The following GHRH variants were observed in gnomAD, a reference collection of about 807,000 sequenced individuals.
The protein encoded by GHRH is somatoliberin.
GHRH carries 7 observed loss-of-function variants against 15.6 expected under a neutral mutation model. The observed-to-expected ratio is 0.45, with a 90% CI of 0.26 to 0.84. The LOEUF is 0.84. Among genes scored for constraint, GHRH ranks in the 40% least tolerant of loss-of-function variants. GHRH has a pLI of 0.18. For synonymous variants in GHRH, 54 were observed against 50.4 expected (o/e 1.07, Z -0.30); for missense variants, 117 against 138.0 (o/e 0.85, Z 0.76).
At chr20:37,252,814 G>A (rs1395836656) in intron 4 of GHRH, among the ~76,000 whole-genome samples, 1 of 152,168 alleles carries the variant, frequency 6.6e-6, no homozygotes, top group Non-Finnish European at 1.5e-5. Context: ...CAAGGAGGGT[G>A]GATCACCTGA....
Position 37,257,005 on chromosome 20 carries a change from G to A in GHRH, c.-19-97C>T, listed in dbSNP as rs561974797. On this transcript the variant is annotated intron_variant, in intron 1 of 4. Transcript: ENST00000373614. Reference sequence around the variant, plus strand: ...GGGCTTGGCTCCATGGCAAGCCTTGGTCCTTGGTTTTTGGAAGCTGTGGGA... The same window carrying A: ...GGGCTTGGCTCCATGGCAAGCCTTGATCCTTGGTTTTTGGAAGCTGTGGGA... The A allele has an allele frequency of 2.2e-4, 162 of 750,130 alleles. 1 individual carries two copies. Among genetic ancestry groups the A allele is most frequent in the Middle Eastern group, 1.2e-3 (4 of 3,230 alleles). The allele number at this position is 750,130 out of a possible 1,614,324, so 46.5% of individuals were successfully genotyped here.
At chr20:37,257,739 C>T (rs948269572) in intron 1 of GHRH, among the ~76,000 whole-genome samples, 3 of 152,156 alleles carry the variant, frequency 2.0e-5, no homozygotes, top group African/African-American at 7.2e-5. Flanking sequence ...GTGGCTTCAC[C>T]TCTCTGAGCC....
At chr20:37,254,105 G>A in intron 4 of GHRH, 105 bp downstream of exon 4, 1 of 1,198,858 alleles carries the variant, frequency 8.3e-7, no homozygotes, top group South Asian at 1.3e-5. Context: ...TTGTTTGGCA[G>A]AGCCCCATAC....
Position 37,258,500 on chromosome 20 carries a change from T to A in GHRH, c.-19-1592A>T, listed in dbSNP as rs1222618124. Among the ~76,000 whole-genome samples the A allele has an allele frequency of 2.0e-5, 3 of 152,168 alleles. No individual in the cohort carries two copies. The highest frequency in any genetic ancestry group is 1.3e-4 in the Admixed American group (2 of 15,266). On this transcript the variant is annotated intron_variant, in intron 1 of 4. Transcript: ENST00000373614. The surrounding 1 kb of genome is among the most constrained non-coding windows in gnomAD (Gnocchi z 4.1). ...ACTGAAGTCTCCTCTAACCCAGGGATGCCTTGGGCCCCCAGGCAGCACTCA... is the reference window on the plus strand; with the variant it reads ...ACTGAAGTCTCCTCTAACCCAGGGAAGCCTTGGGCCCCCAGGCAGCACTCA...
chr20:37,255,183 T>C (rs2068648082), intron 3 of GHRH, among the ~76,000 whole-genome samples: 1 of 152,314 alleles, frequency 6.6e-6, no homozygotes, highest in South Asian at 2.1e-4. Flanking sequence ...GCTATAGATA[T>C]AGAGTAAGCA....
chr20:37,261,517 G>A (rs1012791448), intron 1 of GHRH, among the ~76,000 whole-genome samples: 11 of 152,132 alleles, frequency 7.2e-5, no homozygotes, highest in African/African-American at 2.2e-4. Flanking sequence ...GAGCCAGTCC[G>A]CCACGCGCCC....
At chr20:37,254,466 G>A in intron 3 of GHRH, 137 bp from the exon 4 acceptor site, 1 of 853,454 alleles carries the variant, frequency 1.2e-6, no homozygotes, top group Admixed American at 1.9e-5. Context: ...ACTTAGGGAG[G>A]CAGTATATAT....
rs1314418228 is a variant in GHRH, at chr20:37,258,368, T to C, written c.-19-1460A>G. ...AATCTCCTCACATGGCTTCCTTCTC[T>C]CCCACTCCTGGGTCCTGCTGAGGAG... On this transcript the variant is annotated intron_variant, in intron 1 of 4. Transcript: ENST00000373614. This position sits in a 1 kb window ranked among gnomAD's most constrained non-coding sequence, Gnocchi z 4.1. Among the ~76,000 whole-genome samples the C allele has an allele frequency of 6.6e-6, 1 of 152,098 alleles. No individual in the cohort carries two copies. The highest frequency in any genetic ancestry group is 2.4e-5 in the African/African-American group (1 of 41,392).
At chr20:37,255,004 A>G (rs530318644) in intron 3 of GHRH, among the ~76,000 whole-genome samples, 1 of 152,198 alleles carries the variant, frequency 6.6e-6, no homozygotes, top group South Asian at 2.1e-4. Flanking sequence ...TGATAATTAT[A>G]TTATGATTAT....
chr20:37,253,496 G>C (rs1401176918), intron 4 of GHRH, among the ~76,000 whole-genome samples: 2 of 152,178 alleles, frequency 1.3e-5, no homozygotes, highest in African/African-American at 4.8e-5. Flanking sequence ...TTTGGGCATG[G>C]ACACTGAGCC....
chr20:37,260,413 C>CACAAA (rs1301631156), intron 1 of GHRH, among the ~76,000 whole-genome samples: 14 of 136,522 alleles, frequency 1.0e-4, no homozygotes, highest in Non-Finnish European at 1.8e-4. Context: ...AAAAAAAACA[C>CACAAA]ACAAAACAAA....
chr20:37,252,503 A>G (rs1354805570), intron 4 of GHRH, among the ~76,000 whole-genome samples: 1 of 152,196 alleles, frequency 6.6e-6, no homozygotes, highest in Non-Finnish European at 1.5e-5. Context: ...GCGGTGGCTC[A>G]TGCCTGTAAT....
chr20:37,254,110 C>T, intron 4 of GHRH, 100 bp downstream of exon 4: 1 of 1,261,484 alleles, frequency 7.9e-7, no homozygotes, highest in South Asian at 1.3e-5. Flanking sequence ...TGGCAGAGCC[C>T]CATACCTTCA....
rs2068671663 is a variant in GHRH, at chr20:37,258,667, G to A, written c.-19-1759C>T. Among the ~76,000 whole-genome samples the A allele has an allele frequency of 2.6e-5, 4 of 152,300 alleles. No homozygotes were observed. Among genetic ancestry groups the A allele is most frequent in the East Asian group, 3.9e-4 (2 of 5,182 alleles). ...ACTGGCTGTCCTCCACTTCCTGCTC[G>A]AGTGAGCACTTGCTGCCAGCGAATG... On this transcript the variant is annotated intron_variant, in intron 1 of 4. Transcript: ENST00000373614. This position sits in a 1 kb window ranked among gnomAD's most constrained non-coding sequence, Gnocchi z 4.1.
intron 1 of GHRH, among the ~76,000 whole-genome samples, chr20:37,261,283 T>C (rs973594107): frequency 6.6e-6 from 1 of 151,884 alleles, no homozygotes; most frequent in African/African-American, 2.4e-5. Flanking sequence ...GTGGCTGCAA[T>C]TGAGCAAGAA....
Position 37,256,515 on chromosome 20 carries a change from AG to A in GHRH, c.84-18del. The A allele has an allele frequency of 6.5e-7, 1 of 1,531,646 alleles. No individual in the cohort carries two copies. The allele number at this position is 1,531,646 out of a possible 1,614,324, so 94.9% of individuals were successfully genotyped here. On this transcript the variant is annotated intron_variant, in intron 2 of 4. Coordinates refer to ENST00000373614, the MANE Select transcript of GHRH (RefSeq NM_021081.6). ...CGCCGCATCCTGTGCGGAAGGAGTC[AG>A]GGGTCAGAGGGCGGGGTGGAGGCCA...
In GHRH at chr20:37,251,306, G is replaced by A. The variant is rs920246576; in HGVS notation, c.309-75C>T. The stretch of plus-strand genomic sequence containing the variant: ...CTAGAGTGGGATGCATGGAACCAGG[G>A]TGACGGGTGCTCCCGTGACAGGAGC... On this transcript the variant is annotated intron_variant, in intron 4 of 4. Coordinates refer to ENST00000373614, the MANE Select transcript of GHRH (RefSeq NM_021081.6). 109 of 1,245,384 alleles carry A rather than the reference G, an allele frequency of 8.8e-5. No individual in the cohort carries two copies. The Middle Eastern group carries it at 9.7e-4, about 11-fold the overall frequency. The allele number at this position is 1,245,384 out of a possible 1,614,324, so 77.1% of individuals were successfully genotyped here. A position where few individuals can be genotyped will look rare whatever the true frequency, so the allele number is the denominator to read the frequency against.
In GHRH at chr20:37,252,956, C is replaced by T. The variant is rs542797959; in HGVS notation, c.308+1254G>A. Among the ~76,000 whole-genome samples, 12 of 152,318 alleles carry T rather than the reference C, an allele frequency of 7.9e-5. No homozygotes were observed. In the South Asian group the frequency reaches 2.5e-3, roughly 32 times the overall value. On this transcript the variant is annotated intron_variant, in intron 4 of 4. Coordinates refer to ENST00000373614, the MANE Select transcript of GHRH (RefSeq NM_021081.6). The stretch of plus-strand genomic sequence containing the variant: ...CGGGAGGCTGAGAATCACTTGAACC[C>T]TGGAGGCAGAGGCTGCAGTGAGCCG...
chr20:37,257,710 G>A (rs1048174877), intron 1 of GHRH, among the ~76,000 whole-genome samples: 2 of 152,134 alleles, frequency 1.3e-5, no homozygotes, highest in Non-Finnish European at 2.9e-5. Flanking sequence ...GCTGTCATTA[G>A]CTGTGTGTCC....
Sources: gnomAD v4.1 joint callset for allele counts (sites outside exome capture counted in the v4.1 genomes callset) on GRCh38, gnomAD v4.1.1 for gene constraint, Gnocchi (gnomAD v3.1) non-coding constraint, MANE v1.5 for transcripts, NCBI Gene and HGNC (gene_info 2026-07-23, HGNC 2026-07-21) for gene names.